Variants in FCHSD2 observed in about 807,000 individuals in gnomAD.
The protein encoded by FCHSD2 is F-BAR and double SH3 domains protein 2.
A neutral mutation model predicts 108.1 loss-of-function variants in FCHSD2; 38 were observed. That is an observed-to-expected ratio of 0.35 (90% CI 0.27 to 0.46). FCHSD2 has a LOEUF of 0.46. Ranked by LOEUF, FCHSD2 falls within the 20% of genes least tolerant of loss-of-function variation. The pLI is 1.00. For synonymous variants in FCHSD2, 279 were observed against 314.7 expected, an observed-to-expected ratio of 0.89 and a Z score of 1.20; for missense variants, 751 against 897.8, an observed-to-expected ratio of 0.84 and a Z score of 2.09.
In FCHSD2 at chr11:73,107,299, C is replaced by A. The variant is rs549281553; in HGVS notation, c.120-23559G>T. 5.3e-5 allele frequency among the ~76,000 whole-genome samples: 8 copies of A among 152,252 alleles called. No homozygotes were observed. In the East Asian group the frequency reaches 1.4e-3, roughly 26 times the overall value. Reference sequence around the variant, plus strand: ...ATCTGACCTTGTGATCTGCCCAGCTCGGCCTCCCAAAGTGCTGAGATTACA... The same window carrying A: ...ATCTGACCTTGTGATCTGCCCAGCTAGGCCTCCCAAAGTGCTGAGATTACA... On this transcript the variant is annotated intron_variant, in intron 2 of 19. Transcript: ENST00000409418.
chr11:72,911,448 G>A (rs1448682212), intron 9 of FCHSD2, among the ~76,000 whole-genome samples: 1 of 152,110 alleles, frequency 6.6e-6, no homozygotes, highest in Non-Finnish European at 1.5e-5. Flanking sequence ...CAGGATAGCT[G>A]GATAGCTTTG....
intron 2 of FCHSD2, among the ~76,000 whole-genome samples, chr11:73,111,831 TGAC>T (rs1860493585): frequency 6.6e-6 from 1 of 152,152 alleles, no homozygotes; most frequent in Non-Finnish European, 1.5e-5. Flanking sequence ...TTTAAACTGA[TGAC>T]AACACTGATT....
intron 3 of FCHSD2, among the ~76,000 whole-genome samples, chr11:73,043,397 T>C (rs1232213453): frequency 6.6e-6 from 1 of 152,220 alleles, no homozygotes; most frequent in Non-Finnish European, 1.5e-5. Flanking sequence ...TCAAGTAATG[T>C]ATAATTTAAA....
intron 3 of FCHSD2, among the ~76,000 whole-genome samples, chr11:73,051,177 G>A (rs1022097053): frequency 2.6e-5 from 4 of 152,116 alleles, no homozygotes; most frequent in African/African-American, 9.7e-5. Flanking sequence ...TTAGCAGGAC[G>A]TGGTGTCACA....
intron 13 of FCHSD2, among the ~76,000 whole-genome samples, chr11:72,861,923 C>T (rs1471274839): frequency 3.4e-5 from 3 of 89,312 alleles, no homozygotes; most frequent in East Asian, 2.9e-4. Context: ...AAAAGCGAAA[C>T]GCCGTCTCAA....
chr11:73,136,847 T>G (rs1478736805), intron 2 of FCHSD2, among the ~76,000 whole-genome samples: 1 of 152,056 alleles, frequency 6.6e-6, no homozygotes, highest in African/African-American at 2.4e-5. Context: ...CTGGCCAACA[T>G]GGTGAAACCC....
intron 13 of FCHSD2, among the ~76,000 whole-genome samples, chr11:72,852,188 T>C (rs1861309105): frequency 6.6e-6 from 1 of 152,086 alleles, no homozygotes; most frequent in African/African-American, 2.4e-5. Context: ...CATGCCTGGC[T>C]GAGAATGGCT....
chr11:73,067,240 G>A (rs546680568), intron 3 of FCHSD2, among the ~76,000 whole-genome samples: 2 of 152,072 alleles, frequency 1.3e-5, no homozygotes, highest in East Asian at 1.9e-4. Flanking sequence ...AACAGAAAAC[G>A]AAACACTGCA....
intron 2 of FCHSD2, among the ~76,000 whole-genome samples, chr11:73,116,439 T>TTCCA (rs1260093650): frequency 3.3e-5 from 5 of 152,212 alleles, no homozygotes; most frequent in Non-Finnish European, 5.9e-5. Flanking sequence ...CTGTGAAACA[T>TTCCA]TCCATAAAAT....
At chr11:73,046,044 G>A (rs1054941966) in intron 3 of FCHSD2, among the ~76,000 whole-genome samples, 2 of 146,932 alleles carry the variant, frequency 1.4e-5, no homozygotes, top group Non-Finnish European at 1.5e-5. Context: ...AGGCTGAAGT[G>A]CAGTGGCAGG....
At chr11:73,117,749 C>T (rs920383776) in intron 2 of FCHSD2, among the ~76,000 whole-genome samples, 1 of 152,176 alleles carries the variant, frequency 6.6e-6, no homozygotes, top group African/African-American at 2.4e-5. Flanking sequence ...GATTCTGCCA[C>T]AAAATTCTAT....
chr11:72,930,605 C>T (rs1359896696), intron 8 of FCHSD2, among the ~76,000 whole-genome samples: 1 of 152,014 alleles, frequency 6.6e-6, no homozygotes, highest in African/African-American at 2.4e-5. Flanking sequence ...ATTAGCTGGG[C>T]GTGGTGGTGC....
At position 73,027,649 on chromosome 11, in the gene FCHSD2, T is replaced by C. The variant is rs182208123; in HGVS notation, c.166-11764A>G. Among the ~76,000 whole-genome samples the C allele has an allele frequency of 1.7e-3, 261 of 152,356 alleles. 1 individual carries two copies. The highest frequency in any genetic ancestry group is 5.5e-3 in the African/African-American group (230 of 41,582). On this transcript the variant is annotated intron_variant, in intron 3 of 19. Transcript: ENST00000409418. Reference sequence around the variant, plus strand: ...TGAGTAAAAAGAAGCCAAATGTTAATAGCCAAAACAATGAAGAAAATGTCT... The same window carrying C: ...TGAGTAAAAAGAAGCCAAATGTTAACAGCCAAAACAATGAAGAAAATGTCT...
intron 3 of FCHSD2, among the ~76,000 whole-genome samples, chr11:73,029,177 TAA>T (rs1460734083): frequency 1.3e-5 from 2 of 152,202 alleles, no homozygotes; most frequent in Non-Finnish European, 2.9e-5. Flanking sequence ...TTTGCATTTT[TAA>T]AAGGTCATTT....
chr11:73,103,170 T>C (rs1860262939), intron 2 of FCHSD2, among the ~76,000 whole-genome samples: 1 of 152,194 alleles, frequency 6.6e-6, no homozygotes, highest in South Asian at 2.1e-4. Flanking sequence ...TGTAGTAGTG[T>C]TTAGTCAACT....
intron 3 of FCHSD2, among the ~76,000 whole-genome samples, chr11:73,038,045 C>T (rs956065511): frequency 2.6e-5 from 4 of 152,112 alleles, no homozygotes; most frequent in Non-Finnish European, 4.4e-5. Context: ...CTGCTAGATG[C>T]TAAAATAGTT....
chr11:72,884,986 G>C (rs891141323), intron 12 of FCHSD2, among the ~76,000 whole-genome samples: 2 of 151,966 alleles, frequency 1.3e-5, no homozygotes, highest in African/African-American at 4.8e-5. Flanking sequence ...TCTCTCTTTT[G>C]TATAGGTATT....
chr11:73,006,899 A>C (rs1857752707), intron 4 of FCHSD2, among the ~76,000 whole-genome samples: 1 of 152,204 alleles, frequency 6.6e-6, no homozygotes, highest in East Asian at 1.9e-4. Context: ...CTAGATTTGA[A>C]ACCAAATGTG....
chr11:73,042,115 C>G (rs976717199), intron 3 of FCHSD2, among the ~76,000 whole-genome samples: 1 of 151,980 alleles, frequency 6.6e-6, no homozygotes, highest in Non-Finnish European at 1.5e-5. Context: ...TTAGTAGAGA[C>G]AGGGTTTCAC....
Sources: allele counts gnomAD v4.1 joint callset (sites outside exome capture counted in the v4.1 genomes callset), GRCh38; gene constraint gnomAD v4.1.1; transcripts MANE v1.5; gene names NCBI Gene and HGNC (gene_info 2026-07-23, HGNC 2026-07-21).